The following UGGT2 variants were observed in gnomAD, a reference collection of about 807,000 sequenced individuals.
The protein encoded by UGGT2 is UDP-glucose glycoprotein glucosyltransferase 2, also known as UDP-glucose:glycoprotein glucosyltransferase 2.
A neutral mutation model predicts 192.1 loss-of-function variants in UGGT2; 180 were observed. The observed-to-expected ratio is 0.94, with a 90% CI of 0.83 to 1.06. The LOEUF is 1.06. Among genes scored for constraint, UGGT2 ranks in the 50% least tolerant of loss-of-function variants. UGGT2 has a pLI of 0.00. For missense variants in UGGT2, 1,849 were observed against 1,795.7 expected (o/e 1.03, Z -0.54); for synonymous variants, 580 against 591.0 (o/e 0.98, Z 0.27).
At chr13:96,046,049 T>G (rs2053300752) in intron 1 of UGGT2, among the ~76,000 whole-genome samples, 1 of 151,964 alleles carries the variant, frequency 6.6e-6, no homozygotes, top group Admixed American at 6.6e-5. Flanking sequence ...GCAAAAAGAA[T>G]AAATCTGGAG....
At chr13:95,874,067 T>G (rs956622077) in intron 29 of UGGT2, among the ~76,000 whole-genome samples, 2 of 152,092 alleles carry the variant, frequency 1.3e-5, no homozygotes, top group Non-Finnish European at 2.9e-5. Context: ...TGGCTGGGGG[T>G]TCTCAAAACA....
intron 17 of UGGT2, among the ~76,000 whole-genome samples, chr13:95,936,392 T>C (rs2049463663): frequency 6.6e-6 from 1 of 152,246 alleles, no homozygotes; most frequent in Non-Finnish European, 1.5e-5. Flanking sequence ...TACTTGATCC[T>C]TGTTACTGGG....
intron 17 of UGGT2, among the ~76,000 whole-genome samples, chr13:95,930,142 CTTGAT>C (rs1456912948): frequency 1.3e-5 from 2 of 152,038 alleles, no homozygotes; most frequent in Admixed American, 6.6e-5. Flanking sequence ...TTATTCTTTG[CTTGAT>C]TTATTTGCTA....
intron 36 of UGGT2, among the ~76,000 whole-genome samples, chr13:95,838,752 C>T (rs560602032): frequency 1.3e-5 from 2 of 152,044 alleles, no homozygotes; most frequent in Admixed American, 6.6e-5. Flanking sequence ...CCCTTAGTTC[C>T]TTGGAATCCC....
chr13:95,929,036 A>T (rs988447605), intron 17 of UGGT2, among the ~76,000 whole-genome samples: 3 of 152,130 alleles, frequency 2.0e-5, no homozygotes, highest in Non-Finnish European at 4.4e-5. Flanking sequence ...CCACCAAAAA[A>T]TACGAAAACC....
intron 27 of UGGT2, among the ~76,000 whole-genome samples, chr13:95,881,233 T>C (rs1203583152): frequency 3.9e-5 from 6 of 152,154 alleles, no homozygotes; most frequent in Non-Finnish European, 7.4e-5. Context: ...GTACTATGTA[T>C]GGTTTCAGGT....
intron 29 of UGGT2, among the ~76,000 whole-genome samples, chr13:95,870,650 G>A (rs2140130732): frequency 6.6e-6 from 1 of 152,308 alleles, no homozygotes; most frequent in East Asian, 1.9e-4. Flanking sequence ...AGCCCTCCTG[G>A]AGAGCTTGCT....
chr13:95,876,742 G>C (rs61972899), intron 29 of UGGT2, among the ~76,000 whole-genome samples: 3,853 of 152,100 alleles, frequency 0.025, 59 homozygotes, highest in Non-Finnish European at 0.034. Context: ...AGCTTACCTC[G>C]TTCCTTAGTT....
intron 15 of UGGT2, among the ~76,000 whole-genome samples, 168 bp downstream of exon 15, chr13:95,946,869 G>T (rs922639914): frequency 1.3e-5 from 2 of 152,116 alleles, no homozygotes; most frequent in Non-Finnish European, 2.9e-5. Flanking sequence ...CTTCAGAAGG[G>T]AGTTACAGAA....
intron 1 of UGGT2, among the ~76,000 whole-genome samples, chr13:96,042,876 C>G (rs2053205808): frequency 1.3e-5 from 2 of 151,776 alleles, no homozygotes; most frequent in Admixed American, 1.3e-4. Flanking sequence ...GTTAAATGAC[C>G]AAACCTAAGA....
rs536104056 is a variant in UGGT2 at position 95,922,159 on chromosome 13, T to C, written c.2295+3521A>G. Among the ~76,000 whole-genome samples the C allele has an allele frequency of 1.8e-4, 28 of 152,356 alleles. 1 individual carries two copies. In the South Asian group the frequency reaches 3.9e-3, roughly 21 times the overall value. On this transcript the variant is annotated intron_variant, in intron 20 of 38. Coordinates refer to ENST00000376747, the MANE Select transcript of UGGT2 (RefSeq NM_020121.4). ...TGAGATCATGTCCTTCGCAGCAACA[T>C]TGGCTCGGCTGGAGGCCATTATTTT...
At chr13:95,952,173 T>C (rs1001338672) in intron 12 of UGGT2, among the ~76,000 whole-genome samples, 4 of 151,950 alleles carry the variant, frequency 2.6e-5, no homozygotes, top group African/African-American at 9.7e-5. Flanking sequence ...GCTCTAGCAC[T>C]TGATGAGGGC....
chr13:95,871,720 A>T (rs1293883450), intron 29 of UGGT2, among the ~76,000 whole-genome samples: 1 of 152,188 alleles, frequency 6.6e-6, no homozygotes, highest in African/African-American at 2.4e-5. Context: ...GCCAAGAAGG[A>T]GAGCGATTTG....
At chr13:95,829,607 T>A (rs1391477698) in intron 38 of UGGT2, among the ~76,000 whole-genome samples, 1 of 152,072 alleles carries the variant, frequency 6.6e-6, no homozygotes, top group African/African-American at 2.4e-5. Flanking sequence ...GGAATCCAAC[T>A]TACAAAGGAT....
intron 1 of UGGT2, among the ~76,000 whole-genome samples, chr13:96,043,459 T>A (rs1489032160): frequency 1.3e-5 from 2 of 151,536 alleles, no homozygotes; most frequent in African/African-American, 4.8e-5. Context: ...AAAATACAAT[T>A]AAAAAAACAA....
chr13:95,803,227 G>C (rs1033356779), intron 38 of UGGT2, among the ~76,000 whole-genome samples: 2 of 152,132 alleles, frequency 1.3e-5, no homozygotes, highest in Non-Finnish European at 1.5e-5. Context: ...GAGAAATAAA[G>C]GGTGGGAGAG....
intron 12 of UGGT2, among the ~76,000 whole-genome samples, chr13:95,967,709 T>C (rs1337635900): frequency 1.3e-5 from 2 of 151,886 alleles, no homozygotes; most frequent in Non-Finnish European, 2.9e-5. Flanking sequence ...CCTGACCTCA[T>C]GATCCGCCCA....
At position 95,998,603 on chromosome 13, in the gene UGGT2, A is replaced by G. The variant is rs1239785825; in HGVS notation, c.757+608T>C. 2.6e-5 allele frequency among the ~76,000 whole-genome samples: 4 copies of G among 151,282 alleles called. No homozygotes were observed. The East Asian group carries it at 8.0e-4, about 30-fold the overall frequency. ...AAATAAATTTGACATGAACCAGGTA[A>G]TAAAAGACTTCCATAAGTGTTCTGA... is the stretch of plus-strand genomic sequence containing the variant. On this transcript the variant is annotated intron_variant, in intron 6 of 38. Transcript: ENST00000376747.
At position 95,837,012 on chromosome 13, in the gene UGGT2, A is replaced by C. The variant is rs112064940; in HGVS notation, c.4401+74T>G. The C allele has an allele frequency of 2.6e-4, 317 of 1,196,996 alleles. 3 individuals are homozygous for C. In the African/African-American group the frequency reaches 2.7e-3, roughly 10 times the overall value. The allele number at this position is 1,196,996 out of a possible 1,614,324, so 74.1% of individuals were successfully genotyped here. A position where few individuals can be genotyped will look rare whatever the true frequency, so the allele number is the denominator to read the frequency against. ...GTAATACGTATGCCACTCCCTTTGT[A>C]AAACAGAAAGAAAATATTTCTATTT... On this transcript the variant is annotated intron_variant, in intron 37 of 38. Transcript: ENST00000376747.
Sources: allele counts gnomAD v4.1 joint callset (sites outside exome capture counted in the v4.1 genomes callset), GRCh38; gene constraint gnomAD v4.1.1; transcripts MANE v1.5; gene names NCBI Gene and HGNC (gene_info 2026-07-23, HGNC 2026-07-21).